Variants in DCAF6 observed in about 807,000 individuals in gnomAD.
DCAF6 encodes DDB1 and CUL4 associated factor 6.
Under a neutral mutation model 125.1 loss-of-function variants are expected in DCAF6, and 54 were observed. The observed-to-expected ratio is 0.43, with a 90% CI of 0.35 to 0.54. The LOEUF (loss-of-function observed/expected upper bound fraction) is 0.54. Ranked by LOEUF, DCAF6 falls within the 20% of genes least tolerant of loss-of-function variation. DCAF6 has a pLI of 0.01. For missense variants in DCAF6, 934 were observed against 1,161.7 expected (o/e 0.80, Z 2.85); for synonymous variants, 371 against 390.4 (o/e 0.95, Z 0.58).
chr1:167,871,424 A>C, the DCAF6 span, among the ~76,000 whole-genome samples: 2 of 152,232 alleles, frequency 1.3e-5, no homozygotes, highest in Non-Finnish European at 2.9e-5. Flanking sequence ...AAAACTTGGA[A>C]AAGAAAAAAA....
At chr1:168,003,015 A>G (rs942439040) in intron 8 of DCAF6, among the ~76,000 whole-genome samples, 12 of 152,142 alleles carry the variant, frequency 7.9e-5, no homozygotes, top group African/African-American at 2.9e-4. Flanking sequence ...AAGATAGCAC[A>G]CTTGAAAATA....
chr1:167,929,806 T>A, the DCAF6 span, among the ~76,000 whole-genome samples: 1 of 152,202 alleles, frequency 6.6e-6, no homozygotes, highest in South Asian at 2.1e-4. Context: ...ATTGAGGTAT[T>A]CACTATATCC....
upstream of DCAF6, among the ~76,000 whole-genome samples, chr1:167,931,146 G>A (rs1309647707): frequency 3.3e-5 from 5 of 152,144 alleles, no homozygotes; most frequent in African/African-American, 4.8e-5. Flanking sequence ...TGGCCAGGCT[G>A]GTCTCGAACT....
chr1:168,010,386 T>C (rs946802334), intron 10 of DCAF6, among the ~76,000 whole-genome samples: 1 of 152,112 alleles, frequency 6.6e-6, no homozygotes, highest in Non-Finnish European at 1.5e-5. Context: ...TGAAGAATGG[T>C]AAATCTAGAG....
At chr1:167,952,601 C>T (rs781022328) in intron 2 of DCAF6, among the ~76,000 whole-genome samples, 4 of 152,156 alleles carry the variant, frequency 2.6e-5, no homozygotes, top group Non-Finnish European at 2.9e-5. Context: ...AATCCATTGA[C>T]TTGCTACATC....
chr1:168,004,334 A>C (rs1683050302), intron 9 of DCAF6, among the ~76,000 whole-genome samples, 199 bp from the exon 10 acceptor site: 1 of 152,180 alleles, frequency 6.6e-6, no homozygotes, highest in African/African-American at 2.4e-5. Context: ...TTGCTTTAAC[A>C]AGAATATGTT....
chr1:167,888,794 T>A, the DCAF6 span, among the ~76,000 whole-genome samples: 2 of 104,830 alleles, frequency 1.9e-5, no homozygotes, highest in African/African-American at 7.8e-5. Flanking sequence ...GAGAATAGAG[T>A]GAACCCGGGA....
chr1:168,024,661 G>A (rs547139634), intron 12 of DCAF6, among the ~76,000 whole-genome samples: 21 of 151,944 alleles, frequency 1.4e-4, no homozygotes, highest in South Asian at 4.2e-4. Flanking sequence ...AAAATTAGCC[G>A]GATGTGGTGG....
intron 14 of DCAF6, 26 bp from the exon 15 acceptor site, chr1:168,044,559 A>T: frequency 6.5e-7 from 1 of 1,541,732 alleles, no homozygotes; most frequent in Non-Finnish European, 9.0e-7. Context: ...ATACCAAGGG[A>T]TGACTGTAAT....
At chr1:168,073,091 G>A (rs1018417496) in intron 21 of DCAF6, among the ~76,000 whole-genome samples, 9 of 152,042 alleles carry the variant, frequency 5.9e-5, no homozygotes, top group Admixed American at 3.3e-4. Flanking sequence ...CAGGAGAATC[G>A]CTTGAACCCG....
At chr1:167,985,187 G>A (rs1679783556) in intron 4 of DCAF6, among the ~76,000 whole-genome samples, 1 of 134,156 alleles carries the variant, frequency 7.5e-6, no homozygotes, top group Non-Finnish European at 1.5e-5. Flanking sequence ...ACCACGTCGT[G>A]TGTGTGTGTG....
At chr1:167,979,122 TTTGAC>T (rs1328980343) in intron 4 of DCAF6, among the ~76,000 whole-genome samples, 1 of 152,224 alleles carries the variant, frequency 6.6e-6, no homozygotes, top group Non-Finnish European at 1.5e-5. Context: ...TCTATCTGGA[TTTGAC>T]TTTTGTTATA....
chr1:167,864,777 G>A, the DCAF6 span, among the ~76,000 whole-genome samples: 19 of 152,028 alleles, frequency 1.2e-4, no homozygotes, highest in Admixed American at 1.2e-3. Context: ...TTTGTTGTTA[G>A]TGTAAACAAG....
intron 2 of DCAF6, among the ~76,000 whole-genome samples, chr1:167,957,447 A>T (rs115447175): frequency 6.6e-6 from 1 of 152,074 alleles, no homozygotes; most frequent in South Asian, 2.1e-4. Context: ...ATTCCTTTTT[A>T]TGATTGAATA....
chr1:167,928,961 A>C, the DCAF6 span, among the ~76,000 whole-genome samples: 1 of 152,254 alleles, frequency 6.6e-6, no homozygotes, highest in African/African-American at 2.4e-5. Flanking sequence ...TTTTAGAAAA[A>C]GAATTAATAC....
intron 16 of DCAF6, among the ~76,000 whole-genome samples, chr1:168,045,764 T>C (rs1393231653): frequency 6.6e-6 from 1 of 152,140 alleles, no homozygotes; most frequent in Non-Finnish European, 1.5e-5. Context: ...CAATAAAAAA[T>C]TGAATTGCCA....
chr1:167,937,284 A>C, intron 1 of DCAF6: 2 of 476,460 alleles, frequency 4.2e-6, no homozygotes, highest in Non-Finnish European at 7.9e-6. Flanking sequence ...GGGGTCGCTG[A>C]TGGGTTGGGA....
chr1:168,003,502 C>T (rs1031580838), intron 8 of DCAF6, among the ~76,000 whole-genome samples: 2 of 152,070 alleles, frequency 1.3e-5, no homozygotes, highest in African/African-American at 4.8e-5. Context: ...AGAGGGAAAA[C>T]CTTTCTTTTA....
Position 168,068,475 on chromosome 1 carries a change from A to C in DCAF6, c.2791+12A>C, listed in dbSNP as rs1361106004. Reference sequence around the variant, plus strand: ...TCATATCCGAGCTGGTAGGAACTTTAAGTATACTACTAAAACCATTTTTAT... The same window carrying C: ...TCATATCCGAGCTGGTAGGAACTTTCAGTATACTACTAAAACCATTTTTAT... On this transcript the variant is annotated intron_variant, in intron 21 of 21. Coordinates refer to ENST00000367840, the MANE Select transcript of DCAF6 (RefSeq NM_001198956.2). The C allele has an allele frequency of 7.1e-7, 1 of 1,399,334 alleles. No homozygotes were observed. The highest frequency in any genetic ancestry group is 2.5e-5 in the East Asian group (1 of 39,300). The allele number at this position is 1,399,334 out of a possible 1,614,324, so 86.7% of individuals were successfully genotyped here.
Sources: gnomAD v4.1 joint callset for allele counts (sites outside exome capture counted in the v4.1 genomes callset) on GRCh38, gnomAD v4.1.1 for gene constraint, MANE v1.5 for transcripts, NCBI Gene and HGNC (gene_info 2026-07-23, HGNC 2026-07-21) for gene names.